SPTA1: variants seen among roughly 807,000 people sequenced by gnomAD.
SPTA1 encodes spectrin alpha, erythrocytic 1.
Under a neutral mutation model 324.7 loss-of-function variants are expected in SPTA1, and 177 were observed. The ratio of observed to expected loss-of-function variants is 0.55; its 90% CI spans 0.48 to 0.62. The LOEUF is 0.62. SPTA1 is among the 20% of genes least tolerant of loss of function. SPTA1 has a pLI of 0.00. For missense variants in SPTA1, 3,162 were observed against 2,883.6 expected (o/e 1.10, Z -2.21); for synonymous variants, 1,195 against 1,041.3 (o/e 1.15, Z -2.84).
intron 35 of SPTA1, 35 bp from the exon 36 acceptor site, chr1:158,638,276 G>C (rs770899166): frequency 6.3e-7 from 1 of 1,591,242 alleles, no homozygotes; most frequent in South Asian, 1.1e-5. Context: ...GAATAGTATA[G>C]TATAGGCATT....
Position 158,659,873 on chromosome 1 carries a change from G to A in SPTA1, c.2587+1414C>T. Among the ~76,000 whole-genome samples, 2 of 61,112 alleles carry A rather than the reference G, an allele frequency of 3.3e-5. 1 individual carries two copies. The highest frequency in any genetic ancestry group is 6.0e-4 in the South Asian group (2 of 3,318). The allele number at this position is 61,112 out of a possible 152,430, so 40.1% of individuals were successfully genotyped here. On this transcript the variant is annotated intron_variant, in intron 18 of 51. Coordinates refer to ENST00000643759, the MANE Select transcript of SPTA1 (RefSeq NM_003126.4). ...GATCCACTCGCCTCGGCCTCCCAAAGTGCTGGGATTACAGGCGTGAGCCAC... is the reference window on the plus strand; with the variant it reads ...GATCCACTCGCCTCGGCCTCCCAAAATGCTGGGATTACAGGCGTGAGCCAC...
At chr1:158,615,180 G>C in intron 48 of SPTA1, 36 bp downstream of exon 48, 1 of 1,611,518 alleles carries the variant, frequency 6.2e-7, no homozygotes. Context: ...AACACCACCT[G>C]CATCCCTCCC....
chr1:158,650,012 A>C, intron 24 of SPTA1, 65 bp from the exon 25 acceptor site: 1 of 1,034,694 alleles, frequency 9.7e-7, no homozygotes, highest in East Asian at 2.4e-5. Context: ...GTGGCGTCTG[A>C]AGACCAGACA....
intron 10 of SPTA1, among the ~76,000 whole-genome samples, chr1:158,673,909 G>T (rs1163403518): frequency 6.6e-6 from 1 of 152,054 alleles, no homozygotes; most frequent in Non-Finnish European, 1.5e-5. Context: ...CCAACCATGG[G>T]TATAAAATAT....
At chr1:158,623,400 G>A (rs1650048898) in intron 42 of SPTA1, among the ~76,000 whole-genome samples, 1 of 152,158 alleles carries the variant, frequency 6.6e-6, no homozygotes, top group African/African-American at 2.4e-5. Flanking sequence ...TTTTATGTTA[G>A]GTATAAAATT....
intron 36 of SPTA1, among the ~76,000 whole-genome samples, chr1:158,637,150 T>C (rs1651144548): frequency 6.6e-6 from 1 of 152,220 alleles, no homozygotes; most frequent in South Asian, 2.1e-4. Flanking sequence ...ATGTCAATAA[T>C]AAATTCAGCT....
At chr1:158,639,730 C>G (rs376129587) in intron 34 of SPTA1, 44 bp from the exon 35 acceptor site, 1 of 1,612,524 alleles carries the variant, frequency 6.2e-7, no homozygotes, top group South Asian at 1.1e-5. Flanking sequence ...GGTGAAACTG[C>G]CTTTAAGGAG....
At position 158,612,856 on chromosome 1, in the gene SPTA1, T is replaced by C. The variant is rs2251969; in HGVS notation, c.7095A>G (p.Ala2365=). The change falls in exon 51 of 52, where the codon GCA becomes GCG. Residue 2365 remains alanine (A), a synonymous_variant. Coordinates refer to ENST00000643759, the MANE Select transcript of SPTA1 (RefSeq NM_003126.4). ...CTTTGGTAATATATGACTTGCCCTC[T>C]GCCAGGGCTTGGAAGGCATTCTCTA... ...DEIENAFQAL[A]EGKSYITKED... 0.54 allele frequency: 874,250 copies of C among 1,613,310 alleles called. 238,993 individuals are homozygous for C. Among genetic ancestry groups the C allele is most frequent in the East Asian group, 0.6 (26,968 of 44,832 alleles).
intron 25 of SPTA1, 111 bp downstream of exon 25, chr1:158,649,745 G>C: frequency 1.1e-6 from 1 of 876,098 alleles, no homozygotes; most frequent in Non-Finnish European, 1.9e-6. Flanking sequence ...TTGGCACATT[G>C]TCTCCATCTC....
intron 18 of SPTA1, 102 bp downstream of exon 18, chr1:158,661,185 C>A: frequency 1.3e-6 from 2 of 1,571,870 alleles, no homozygotes; most frequent in South Asian, 2.2e-5. Flanking sequence ...GAAAATGAGT[C>A]AGATATTTTT....
chr1:158,626,164 G>C lies in SPTA1; in HGVS notation c.5892C>G (p.Leu1964=), dbSNP rs1450858525. 6.2e-7 allele frequency: 1 copy of C among 1,613,776 alleles called. No homozygotes were observed. Among genetic ancestry groups the C allele is most frequent in the East Asian group, 2.2e-5 (1 of 44,854 alleles). ...ATCTCACCTGTTTTGCCAGAAGAGT[G>C]AGGAAGTCACCAAGGTCTGCACCAT... ...NGNGADLGDF[L]TLLAKQDTLD... Residue 1964 remains leucine (L), a synonymous_variant, in exon 42 of 52, where the codon CTC becomes CTG. Transcript: ENST00000643759.
chr1:158,636,808 T>C (rs1455453209), intron 36 of SPTA1, 47 bp from the exon 37 acceptor site: 4 of 1,612,058 alleles, frequency 2.5e-6, no homozygotes, highest in South Asian at 1.1e-5. Context: ...AGACATCTAA[T>C]GTCATCCTAC....
Position 158,626,942 on chromosome 1 carries a change from G to A in SPTA1, c.5730C>T (p.Thr1910=), listed in dbSNP as rs771760246. 1 of 1,613,764 alleles carries A rather than the reference G, an allele frequency of 6.2e-7. No individual in the cohort carries two copies. Among genetic ancestry groups the A allele is most frequent in the Non-Finnish European group, 8.5e-7 (1 of 1,179,844 alleles). The change falls in exon 41 of 52, where the codon ACC becomes ACT. Residue 1910 remains threonine, a synonymous_variant. Coordinates refer to ENST00000643759, the MANE Select transcript of SPTA1 (RefSeq NM_003126.4). ...CAGCTATTGCCTTAGCCAGAGAAGGGGTCTTTTCATTCAGAGCCTCTATCT... is the reference window on the plus strand; with the variant it reads ...CAGCTATTGCCTTAGCCAGAGAAGGAGTCTTTTCATTCAGAGCCTCTATCT... The part of the protein sequence containing the change: ...SSKIEALNEK[T]PSLAKAIAAW...
chr1:158,647,682 C>A lies in SPTA1; in HGVS notation c.3753G>T (p.Glu1251Asp). The A allele has an allele frequency of 6.2e-7, 1 of 1,613,938 alleles. No individual in the cohort carries two copies. Among genetic ancestry groups the A allele is most frequent in the Non-Finnish European group, 8.5e-7 (1 of 1,179,936 alleles). ...GGTCCTCAGTGGCATCTGGATGGGA[C>A]TCACTGAGCCGCTCTGCTGTCTCCC... is the stretch of plus-strand genomic sequence containing the variant. ...ILGETAERLS[E>D]SHPDATEDLQ... The change falls in exon 27 of 52, where the codon GAG becomes GAT. Residue 1251 changes from glutamate to aspartate, a missense_variant. Physicochemically the swap from Glu to Asp is conservative, Grantham distance 45. Transcript: ENST00000643759.
At chr1:158,683,269 G>T in intron 3 of SPTA1, 102 bp downstream of exon 3, 2 of 1,546,270 alleles carry the variant, frequency 1.3e-6, no homozygotes, top group South Asian at 1.1e-5. Context: ...CAGGAGTCCT[G>T]GGTATAAGCC....
chr1:158,657,073 T>C (rs1413938944), intron 19 of SPTA1, among the ~76,000 whole-genome samples: 1 of 152,222 alleles, frequency 6.6e-6, no homozygotes, highest in African/African-American at 2.4e-5. Context: ...AGTGTGATTA[T>C]AACCTTTGTG....
rs73016282 is a variant in SPTA1 at position 158,615,866 on chromosome 1, G to A, written c.6601-463C>T. On this transcript the variant is annotated intron_variant, in intron 47 of 51. Transcript: ENST00000643759. ...TGGCTGAGCTCTCAGGCTCACTTAAGCTCCACAGTGTTCACTCCTGGGCCA... is the reference window on the plus strand; with the variant it reads ...TGGCTGAGCTCTCAGGCTCACTTAAACTCCACAGTGTTCACTCCTGGGCCA... Among the ~76,000 whole-genome samples the A allele has an allele frequency of 6.9e-3, 1,057 of 152,266 alleles. 14 individuals are homozygous for A. The highest frequency in any genetic ancestry group is 0.024 in the African/African-American group (1,009 of 41,538).
chr1:158,622,455 T>A (rs1649977496), intron 43 of SPTA1, among the ~76,000 whole-genome samples: 2 of 152,118 alleles, frequency 1.3e-5, no homozygotes, highest in African/African-American at 4.8e-5. Flanking sequence ...TTATTACACT[T>A]TTAGATTCAT....
At chr1:158,661,142 A>T (rs1653178522) in intron 18 of SPTA1, 145 bp downstream of exon 18, 1 of 1,255,712 alleles carries the variant, frequency 8.0e-7, no homozygotes, top group Non-Finnish European at 1.2e-6. Flanking sequence ...CCATATGCCC[A>T]TTTGTCAGAA....
Sources: allele counts gnomAD v4.1 joint callset (sites outside exome capture counted in the v4.1 genomes callset), GRCh38; gene constraint gnomAD v4.1.1; transcripts MANE v1.5; gene names NCBI Gene and HGNC (gene_info 2026-07-23, HGNC 2026-07-21).